Variants in USP7 observed in about 807,000 individuals in gnomAD.
USP7 encodes ubiquitin C-terminal hydrolase 7.
In USP7, 9 loss-of-function variants were observed where a neutral mutation model predicts 162.9. The observed-to-expected ratio is 0.06, with a 90% CI of 0.03 to 0.10. USP7 has a LOEUF of 0.10. Among genes scored for constraint, USP7 ranks in the 10% least tolerant of loss-of-function variants. The pLI, the probability that USP7 is intolerant of heterozygous loss-of-function variation, is 1.00. For synonymous variants in USP7, 562 were observed against 475.9 expected (o/e 1.18, Z -2.35); for missense variants, 715 against 1,373.7 (o/e 0.52, Z 7.58).
In USP7 at chr16:8,931,190, CT is replaced by C. The variant is rs1239283546; in HGVS notation, c.80-794del. 6.7e-3 allele frequency among the ~76,000 whole-genome samples: 966 copies of C among 144,394 alleles called. 5 individuals are homozygous for C. Among genetic ancestry groups the C allele is most frequent in the East Asian group, 0.019 (93 of 5,004 alleles). 94.7% of individuals were successfully genotyped at this position (144,394 alleles called of 152,430 possible). ...ACGTTTTCATCATGAACACATGCAT[CT>C]TTTTTTTTTTTTTCTGAGACAGAGT... On this transcript the variant is annotated intron_variant, in intron 1 of 30. Transcript: ENST00000344836.
intron 2 of USP7, among the ~76,000 whole-genome samples, chr16:8,927,328 AAAAGAAAGAAAGTT>A (rs1270066480): frequency 6.6e-6 from 1 of 152,126 alleles, no homozygotes; most frequent in Non-Finnish European, 1.5e-5. Context: ...AAGAAAAAAA[AAAAGAAAGAAAGTT>A]AAAGAAAAAC....
intron 10 of USP7, among the ~76,000 whole-genome samples, chr16:8,913,477 T>C (rs544797617): frequency 6.6e-6 from 1 of 152,078 alleles, no homozygotes; most frequent in Non-Finnish European, 1.5e-5. Context: ...TACAGCCCAC[T>C]TCTCAGAAAT....
chr16:8,919,100 C>A lies in USP7; in HGVS notation c.651G>T (p.Lys217Asn), dbSNP rs774794168. 1 of 1,614,112 alleles carries A rather than the reference C, an allele frequency of 6.2e-7. No individual in the cohort carries two copies. The highest frequency in any genetic ancestry group is 1.1e-5 in the South Asian group (1 of 91,084). Reference protein sequence around the residue: ...SKKHTGYVGLKNQGATCYMNS... With the variant: ...SKKHTGYVGLNNQGATCYMNS... ...TCATGTAACAAGTCGCTCCCTGATT[C>A]TTTAAGCCGACGTAGCCTGTGTGCT... The change falls in exon 6 of 31, where the codon AAG (lysine) becomes AAT (asparagine). Residue 217 changes from lysine (K) to asparagine (N), a missense_variant. This residue lies in a region of USP7 where 24 missense variants were observed against 153.3 expected (regional missense o/e 0.16). Transcript: ENST00000344836.
rs375970067 is a variant in USP7, at chr16:8,905,257, G to A, written c.1503C>T (p.His501=). The A allele has an allele frequency of 1.9e-6, 3 of 1,614,136 alleles. No homozygotes were observed. Among genetic ancestry groups the A allele is most frequent in the South Asian group, 2.2e-5 (2 of 91,078 alleles). Residue 501 remains histidine (H), a synonymous_variant, in exon 14 of 31, where the codon CAC becomes CAT. Coordinates refer to ENST00000344836, the MANE Select transcript of USP7 (RefSeq NM_003470.3). ...EEAIEHNYGG[H]DDDLSVRHCT... ...AGTGTCGAACAGACAGGTCGTCATC[G>A]TGACCCCCATAATTGTGCTCAATTG...
Position 8,905,270 on chromosome 16 carries a change from T to C in USP7, c.1490A>G (p.Asn497Ser), listed in dbSNP as rs1357175448. Residue 497 changes from asparagine to serine, a missense_variant, in exon 14 of 31, where the codon AAT (asparagine) becomes AGT (serine). Transcript: ENST00000344836. The part of the protein sequence containing the change: ...RCTKEEAIEH[N>S]YGGHDDDLSV... ...CAGGTCGTCATCGTGACCCCCATAA[T>C]TGTGCTCAATTGCTTCCTCTTTAGT... The C allele has an allele frequency of 6.2e-7, 1 of 1,614,178 alleles. No homozygotes were observed. The highest frequency in any genetic ancestry group is 8.5e-7 in the Non-Finnish European group (1 of 1,180,024).
At chr16:8,930,142 C>A (rs967252841) in intron 2 of USP7, 151 bp downstream of exon 2, 5 of 551,224 alleles carry the variant, frequency 9.1e-6, no homozygotes, top group Non-Finnish European at 1.6e-5. Context: ...AACTCAAAAC[C>A]CAAACAGGAT....
At position 8,920,538 on chromosome 16, in the gene USP7, G is replaced by T. The variant is rs1897628720; in HGVS notation, c.523-91C>A. On this transcript the variant is annotated intron_variant, in intron 4 of 30. Transcript: ENST00000344836. Reference sequence around the variant, plus strand: ...TTACATTAGTGCCCTGTACTTAATAGAGATGAAAATACTTTTTTTTTAAAT... The same window carrying T: ...TTACATTAGTGCCCTGTACTTAATATAGATGAAAATACTTTTTTTTTAAAT... The T allele has an allele frequency of 2.3e-5, 24 of 1,026,928 alleles. No homozygotes were observed. In the South Asian group the frequency reaches 3.2e-4, roughly 14 times the overall value. The allele number at this position is 1,026,928 out of a possible 1,614,324, so 63.6% of individuals were successfully genotyped here.
intron 5 of USP7, among the ~76,000 whole-genome samples, chr16:8,919,836 T>C (rs1415917196): frequency 6.6e-6 from 1 of 152,080 alleles, no homozygotes; most frequent in Admixed American, 6.6e-5. Context: ...AGACACCTAC[T>C]GCGCAGTACC....
intron 1 of USP7, among the ~76,000 whole-genome samples, chr16:8,937,403 G>A (rs191638666): frequency 6.6e-6 from 1 of 152,128 alleles, no homozygotes; most frequent in South Asian, 2.1e-4. Flanking sequence ...TTAGCCAGAC[G>A]TGGTGGCGCA....
chr16:8,950,898 C>G (rs1899516990), intron 1 of USP7, among the ~76,000 whole-genome samples: 1 of 152,106 alleles, frequency 6.6e-6, no homozygotes, highest in African/African-American at 2.4e-5. Context: ...GAACTTGGGC[C>G]TCCTGTCTTA....
chr16:8,941,460 C>T lies in USP7; in HGVS notation c.80-11063G>A, dbSNP rs1156956926. On this transcript the variant is annotated intron_variant, in intron 1 of 30. Transcript: ENST00000344836. ...AGGAAGGACCTGAGGGGTAAAGGCA[C>T]GTATCTCCAGCCGCATTTCAGCAGA... is the stretch of plus-strand genomic sequence containing the variant. Among the ~76,000 whole-genome samples the T allele has an allele frequency of 5.9e-5, 9 of 152,316 alleles. No homozygotes were observed. The Middle Eastern group carries it at 0.017, about 288-fold the overall frequency.
Position 8,900,590 on chromosome 16 carries a change from T to C in USP7, c.2249A>G (p.Asp750Gly). Residue 750 changes from aspartate (D) to glycine (G), a missense_variant, in exon 21 of 31, where the codon GAC becomes GGC. Around this residue, in one of 11 missense-constraint regions of USP7, gnomAD observed 222 missense variants for 441.7 expected, o/e 0.50. Coordinates refer to ENST00000344836, the MANE Select transcript of USP7 (RefSeq NM_003470.3). The part of the protein sequence containing the change: ...PNLTERIQDY[D>G]VSLDKALDEL... ...ATCAAGGGCTTTATCAAGAGACACG[T>C]CATAGTCCTGAATTCTCTCTGTTAA... The C allele has an allele frequency of 6.2e-7, 1 of 1,612,066 alleles. No homozygotes were observed. Among genetic ancestry groups the C allele is most frequent in the Non-Finnish European group, 8.5e-7 (1 of 1,179,650 alleles).
At chr16:8,936,773 A>G in intron 1 of USP7, 2 of 1,307,490 alleles carry the variant, frequency 1.5e-6, no homozygotes, top group Non-Finnish European at 2.0e-6. Flanking sequence ...AGAAACATTC[A>G]AGCAACCTCA....
At chr16:8,935,202 T>C (rs1898625610) in intron 1 of USP7, among the ~76,000 whole-genome samples, 1 of 56,710 alleles carries the variant, frequency 1.8e-5, no homozygotes, top group Non-Finnish European at 4.2e-5. Context: ...AAGGCACTAA[T>C]TTTTTTTTTT....
rs540079321 is a variant in USP7, at chr16:8,956,920, C to T, written c.79+6287G>A. Reference sequence around the variant, plus strand: ...TGCCCAGCCCTTCTGGGCAGCACAACACAGACAAGTCGACGCTATCTCTCA... The same window carrying T: ...TGCCCAGCCCTTCTGGGCAGCACAATACAGACAAGTCGACGCTATCTCTCA... On this transcript the variant is annotated intron_variant, in intron 1 of 30. Coordinates refer to ENST00000344836, the MANE Select transcript of USP7 (RefSeq NM_003470.3). Among the ~76,000 whole-genome samples, 148 of 152,268 alleles carry T rather than the reference C, an allele frequency of 9.7e-4. 1 individual carries two copies. The highest frequency in any genetic ancestry group is 3.4e-3 in the African/African-American group (140 of 41,556).
chr16:8,899,926 C>T (rs1446905120), intron 21 of USP7, 169 bp from the exon 22 acceptor site: 6 of 776,742 alleles, frequency 7.7e-6, no homozygotes, highest in African/African-American at 5.3e-5. Context: ...CCTCTGTAAG[C>T]GAGGCAAGTA....
In USP7 at chr16:8,900,584, G is replaced by C. The variant is rs747014527; in HGVS notation, c.2255C>G (p.Ser752Cys). 2.5e-6 allele frequency: 4 copies of C among 1,612,532 alleles called. No individual in the cohort carries two copies. The highest frequency in any genetic ancestry group is 3.4e-6 in the Non-Finnish European group (4 of 1,179,740). ...TAGTTCATCAAGGGCTTTATCAAGA[G>C]ACACGTCATAGTCCTGAATTCTCTC... Reference protein sequence around the residue: ...LTERIQDYDVSLDKALDELMD... With the variant: ...LTERIQDYDVCLDKALDELMD... Residue 752 changes from serine to cysteine, a missense_variant, in exon 21 of 31, where the codon TCT becomes TGT. Physicochemically the swap from Ser to Cys is moderately radical, Grantham distance 112. Coordinates refer to ENST00000344836, the MANE Select transcript of USP7 (RefSeq NM_003470.3).
chr16:8,943,250 T>C (rs905554252), intron 1 of USP7, among the ~76,000 whole-genome samples: 1 of 152,042 alleles, frequency 6.6e-6, no homozygotes. Context: ...CAAACACTGA[T>C]GATTGGTTTT....
intron 3 of USP7, among the ~76,000 whole-genome samples, chr16:8,921,943 A>T (rs1897716084): frequency 6.6e-6 from 1 of 152,136 alleles, no homozygotes; most frequent in African/African-American, 2.4e-5. Context: ...TGAGCCCTGA[A>T]ATGGTTTGAC....
Sources: gnomAD v4.1 joint callset for allele counts (sites outside exome capture counted in the v4.1 genomes callset) on GRCh38, gnomAD v4.1.1 for gene constraint, gnomAD v4.1.1 regional missense constraint, MANE v1.5 for transcripts, NCBI Gene and HGNC (gene_info 2026-07-23, HGNC 2026-07-21) for gene names.